CEMIP: variants seen among roughly 807,000 people sequenced by gnomAD.
The protein encoded by CEMIP is cell migration inducing hyaluronidase 1.
CEMIP carries 105 observed loss-of-function variants against 156.9 expected under a neutral mutation model. The observed-to-expected ratio is 0.67, with a 90% CI of 0.57 to 0.79. CEMIP has a LOEUF of 0.79. Among genes scored for constraint, CEMIP ranks in the 30% least tolerant of loss-of-function variants. The pLI, the probability that CEMIP is intolerant of heterozygous loss-of-function variation, is 0.00. For synonymous variants in CEMIP, 676 were observed against 668.4 expected, an observed-to-expected ratio of 1.01 and a Z score of -0.17; for missense variants, 1,457 against 1,769.4, an observed-to-expected ratio of 0.82 and a Z score of 3.17.
At chr15:80,810,394 G>C (rs1177947651) in intron 1 of CEMIP, among the ~76,000 whole-genome samples, 1 of 152,130 alleles carries the variant, frequency 6.6e-6, no homozygotes, top group Non-Finnish European at 1.5e-5. Context: ...TTGAGACGGA[G>C]TCTCACTCTG....
chr15:80,906,927 G>T lies in CEMIP; in HGVS notation c.1587+89G>T. Reference sequence around the variant, plus strand: ...AGACGGGCCTTCTTGGTAGGGATGAGGGTGGGGGAACAGGAGGTGGGATCA... The same window carrying T: ...AGACGGGCCTTCTTGGTAGGGATGATGGTGGGGGAACAGGAGGTGGGATCA... On this transcript the variant is annotated intron_variant, in intron 13 of 29. Transcript: ENST00000394685. This position sits in a 1 kb window ranked among gnomAD's most constrained non-coding sequence, Gnocchi z 4.3. 7.0e-7 allele frequency: 1 copy of T among 1,420,894 alleles called. No individual in the cohort carries two copies. The highest frequency in any genetic ancestry group is 9.7e-7 in the Non-Finnish European group (1 of 1,029,360). The allele number at this position is 1,420,894 out of a possible 1,614,324, so 88.0% of individuals were successfully genotyped here. A position where few individuals can be genotyped will look rare whatever the true frequency, so the allele number is the denominator to read the frequency against.
intron 1 of CEMIP, among the ~76,000 whole-genome samples, chr15:80,824,378 A>C (rs1466980640): frequency 6.6e-6 from 1 of 152,024 alleles, no homozygotes; most frequent in Non-Finnish European, 1.5e-5. Flanking sequence ...TCAGATTCTC[A>C]TCTTTTGGGC....
chr15:80,942,080 C>CCCCTTTGCCGTCCAGTCGGGCCTAGAG (rs755043903), intron 26 of CEMIP, 27 bp downstream of exon 26: 9 of 1,605,578 alleles, frequency 5.6e-6, no homozygotes, highest in African/African-American at 4.0e-5. Context: ...AAAGCCTAGA[C>CCCCTTTGCCGTCCAGTCGGGCCTAGAG]CCCTTTGCCG....
chr15:80,868,700 G>T (rs1480605252), intron 1 of CEMIP, among the ~76,000 whole-genome samples: 1 of 152,216 alleles, frequency 6.6e-6, no homozygotes, highest in Non-Finnish European at 1.5e-5. Context: ...CCTTGGGCAA[G>T]TTAGATACTT....
At chr15:80,944,889 C>G (rs1049147467) in intron 28 of CEMIP, among the ~76,000 whole-genome samples, 5 of 152,206 alleles carry the variant, frequency 3.3e-5, no homozygotes, top group Admixed American at 6.5e-5. Flanking sequence ...GCAGCAGCAC[C>G]TCTCTGGGGG....
chr15:80,785,553 A>G (rs1242378254), intron 1 of CEMIP, among the ~76,000 whole-genome samples: 1 of 152,232 alleles, frequency 6.6e-6, no homozygotes, highest in African/African-American at 2.4e-5. Flanking sequence ...CTGCTCTCGA[A>G]GAGCTGGCAG....
At chr15:80,912,244 G>T (rs1900098780) in intron 14 of CEMIP, among the ~76,000 whole-genome samples, 1 of 152,242 alleles carries the variant, frequency 6.6e-6, no homozygotes, top group South Asian at 2.1e-4. Flanking sequence ...AGCCCATGGA[G>T]CTGTATCTGG....
intron 4 of CEMIP, 136 bp from the exon 5 acceptor site, chr15:80,879,580 T>C: frequency 2.0e-6 from 2 of 1,007,514 alleles, no homozygotes; most frequent in South Asian, 1.3e-5. Flanking sequence ...ACACCAAGCA[T>C]AGGAATGTTT....
intron 1 of CEMIP, among the ~76,000 whole-genome samples, chr15:80,860,378 G>A (rs1221705702): frequency 6.6e-6 from 1 of 152,110 alleles, no homozygotes; most frequent in Non-Finnish European, 1.5e-5. Context: ...CTTCTCTCTG[G>A]GCACTAGAAT....
chr15:80,925,806 T>TC, intron 19 of CEMIP, 51 bp downstream of exon 19: 1 of 1,593,606 alleles, frequency 6.3e-7, no homozygotes, highest in East Asian at 2.2e-5. Flanking sequence ...TGGCGCGTCT[T>TC]CCCCTAGCCC....
chr15:80,839,368 T>C (rs1897339265), intron 1 of CEMIP, among the ~76,000 whole-genome samples: 1 of 147,170 alleles, frequency 6.8e-6, no homozygotes, highest in Non-Finnish European at 1.5e-5. Flanking sequence ...GACTTAAGAA[T>C]GAATGAAAGA....
Position 80,879,763 on chromosome 15 carries a change from CG to C in CEMIP, c.291del (p.His98ThrfsTer3). 1 of 1,614,172 alleles carries C rather than the reference CG, an allele frequency of 6.2e-7. No individual in the cohort carries two copies. Among genetic ancestry groups the C allele is most frequent in the Non-Finnish European group, 8.5e-7 (1 of 1,180,034 alleles). ...DHDEPIVLRT[R>X]HILIDNGGEL... ...CGACGAGCCGATTGTTTTGCGAACC[CG>C]GCACATCCTGATTGACAACGGAGGA... On this transcript the variant is annotated frameshift_variant, in exon 5 of 30. Transcript: ENST00000394685. LOFTEE classifies it high-confidence loss of function.
chr15:80,933,526 GTCTAC>G (rs1214680503), intron 23 of CEMIP, 66 bp downstream of exon 23: 1 of 1,248,760 alleles, frequency 8.0e-7, no homozygotes, highest in Non-Finnish European at 1.2e-6. Flanking sequence ...TTCAGTGAGT[GTCTAC>G]TCTATGCCTG....
intron 25 of CEMIP, among the ~76,000 whole-genome samples, chr15:80,939,201 G>C (rs1901249279): frequency 6.6e-6 from 1 of 152,150 alleles, no homozygotes. Flanking sequence ...AGGGAGCACT[G>C]GGCAATTACA....
intron 1 of CEMIP, among the ~76,000 whole-genome samples, chr15:80,794,399 A>AAAT: frequency 6.6e-6 from 1 of 152,354 alleles, no homozygotes; most frequent in South Asian, 2.1e-4. Flanking sequence ...GGGATGCAGC[A>AAAT]GTGACCAAAA....
intron 7 of CEMIP, among the ~76,000 whole-genome samples, chr15:80,887,222 A>G (rs1898876191): frequency 6.6e-6 from 1 of 152,226 alleles, no homozygotes; most frequent in Non-Finnish European, 1.5e-5. Context: ...GGCCCAAGGC[A>G]GATGGCTAGG....
intron 1 of CEMIP, among the ~76,000 whole-genome samples, chr15:80,849,405 G>A (rs1288564849): frequency 6.6e-6 from 1 of 152,170 alleles, no homozygotes; most frequent in Non-Finnish European, 1.5e-5. Flanking sequence ...GGAACTTCCA[G>A]CCAGCTGGGA....
chr15:80,848,722 A>C (rs779083829), intron 1 of CEMIP, among the ~76,000 whole-genome samples: 10 of 152,278 alleles, frequency 6.6e-5, no homozygotes, highest in Non-Finnish European at 1.3e-4. Context: ...GCTGCACCCA[A>C]GAAACCAGTT....
chr15:80,932,448 T>TA lies in CEMIP; in HGVS notation c.2793+411dup, dbSNP rs1900956252. On this transcript the variant is annotated intron_variant, in intron 22 of 29. Transcript: ENST00000394685. This position sits in a 1 kb window ranked among gnomAD's most constrained non-coding sequence, Gnocchi z 4.5. ...AAGTCTTAGCTGATGATGTTCTGTT[T>TA]AATCTCTCCCCGAGAGCAGACTATA... Among the ~76,000 whole-genome samples, 1 of 152,146 alleles carries TA rather than the reference T, an allele frequency of 6.6e-6. No homozygotes were observed. The highest frequency in any genetic ancestry group is 1.5e-5 in the Non-Finnish European group (1 of 68,010).
Sources: allele counts gnomAD v4.1 joint callset (sites outside exome capture counted in the v4.1 genomes callset), GRCh38; gene constraint gnomAD v4.1.1; non-coding constraint Gnocchi (gnomAD v3.1); transcripts MANE v1.5; gene names NCBI Gene and HGNC (gene_info 2026-07-23, HGNC 2026-07-21).